The following S100A8 variants were observed in gnomAD, a reference collection of about 807,000 sequenced individuals.
S100A8 encodes S100 calcium binding protein A8, also known as protein S100-A8.
In S100A8, 1 loss-of-function variant was observed where a neutral mutation model predicts 4.2. The observed-to-expected ratio is 0.24, with a 90% CI of 0.08 to 1.12. The LOEUF is 1.12. Among genes scored for constraint, S100A8 ranks in the 50% most tolerant of loss-of-function variants. S100A8 has a pLI of 0.53. For synonymous variants in S100A8, 41 were observed against 44.7 expected, an observed-to-expected ratio of 0.92 and a Z score of 0.33; for missense variants, 96 against 111.8, an observed-to-expected ratio of 0.86 and a Z score of 0.64.
chr1:153,416,120 G>T, the S100A8 span, among the ~76,000 whole-genome samples: 1 of 152,206 alleles, frequency 6.6e-6, no homozygotes, highest in Non-Finnish European at 1.5e-5. Context: ...AGCGGTGGGG[G>T]TCATAGAACA....
At chr1:153,418,214 C>T in the S100A8 span, 166 of 1,613,974 alleles carry the variant, frequency 1.0e-4, 1 homozygote, top group Middle Eastern at 2.0e-3. Context: ...CCAATTTCCT[C>T]AGTGCCTGTG....
At chr1:153,411,632 T>A in the S100A8 span, among the ~76,000 whole-genome samples, 1 of 152,314 alleles carries the variant, frequency 6.6e-6, no homozygotes, top group Non-Finnish European at 1.5e-5. Context: ...AAAAAACTAC[T>A]TTAAAATTCA....
chr1:153,404,454 A>G, the S100A8 span, among the ~76,000 whole-genome samples: 12 of 152,084 alleles, frequency 7.9e-5, no homozygotes, highest in Non-Finnish European at 1.5e-4. Flanking sequence ...GCATGACTGG[A>G]AGGGGATTGT....
chr1:153,393,149 T>G (rs1662140464), upstream of S100A8, among the ~76,000 whole-genome samples: 1 of 152,186 alleles, frequency 6.6e-6, no homozygotes, highest in African/African-American at 2.4e-5. Context: ...TTCCTATTCC[T>G]GCCTGTAATG....
At chr1:153,418,026 T>A in the S100A8 span, 4 of 1,607,576 alleles carry the variant, frequency 2.5e-6, no homozygotes, top group East Asian at 8.9e-5. Flanking sequence ...AGACCTTAAT[T>A]CAAACTAAGG....
intron 1 of S100A8, 162 bp from the exon 2 acceptor site, chr1:153,390,719 T>A: frequency 1.2e-6 from 1 of 859,224 alleles, no homozygotes. Flanking sequence ...AAGGGTGGGA[T>A]GATAGGGATA....
chr1:153,398,144 CTG>C, the S100A8 span, among the ~76,000 whole-genome samples: 1 of 152,158 alleles, frequency 6.6e-6, no homozygotes, highest in African/African-American at 2.4e-5. Context: ...CAGAAGTCCT[CTG>C]GAGATGACAG....
the S100A8 span, among the ~76,000 whole-genome samples, chr1:153,412,728 C>A: frequency 1.6e-4 from 25 of 152,144 alleles, no homozygotes; most frequent in South Asian, 4.1e-4. Context: ...AGACTTGGAA[C>A]CAACCCAAAT....
the S100A8 span, chr1:153,419,300 A>C: frequency 2.4e-5 from 38 of 1,613,686 alleles, no homozygotes; most frequent in Admixed American, 1.2e-4. Flanking sequence ...GTTCTGGGGG[A>C]AGCCAGTGAT....
chr1:153,418,203 C>G, the S100A8 span: 2 of 1,613,950 alleles, frequency 1.2e-6, no homozygotes, highest in Non-Finnish European at 8.5e-7. Context: ...GGAGAACTTC[C>G]CCAATTTCCT....
chr1:153,391,304 A>AG (rs1458779628), upstream of S100A8: 15 of 621,220 alleles, frequency 2.4e-5, no homozygotes, highest in Non-Finnish European at 3.0e-5. Flanking sequence ...AAAAGCAGGT[A>AG]GGGGGGCTCT....
At chr1:153,413,095 G>A in the S100A8 span, among the ~76,000 whole-genome samples, 2 of 152,082 alleles carry the variant, frequency 1.3e-5, no homozygotes, top group Non-Finnish European at 2.9e-5. Context: ...TAACAAGACT[G>A]CACGCTGTGC....
the S100A8 span, among the ~76,000 whole-genome samples, chr1:153,413,790 A>C: frequency 1.3e-5 from 2 of 152,138 alleles, no homozygotes; most frequent in Admixed American, 1.3e-4. Flanking sequence ...AATCCCAGCT[A>C]CTCAGAAGGC....
At chr1:153,402,777 A>T in the S100A8 span, among the ~76,000 whole-genome samples, 245 of 152,328 alleles carry the variant, frequency 1.6e-3, no homozygotes, top group Admixed American at 7.3e-3. Flanking sequence ...AGTTAACTGT[A>T]AAAAGTATAT....
At chr1:153,407,458 A>G in the S100A8 span, among the ~76,000 whole-genome samples, 1 of 152,320 alleles carries the variant, frequency 6.6e-6, no homozygotes, top group East Asian at 1.9e-4. Context: ...GTAGGTAAAC[A>G]AAGCAGCCAG....
chr1:153,408,161 T>G, the S100A8 span, among the ~76,000 whole-genome samples: 1 of 151,964 alleles, frequency 6.6e-6, no homozygotes, highest in Non-Finnish European at 1.5e-5. Context: ...AGATGATCAG[T>G]AATAACAAAC....
chr1:153,391,472 C>T (rs1317970689), upstream of S100A8, among the ~76,000 whole-genome samples: 5 of 152,110 alleles, frequency 3.3e-5, no homozygotes, highest in African/African-American at 9.7e-5. Flanking sequence ...TGCATGCACT[C>T]AGTGAGAACA....
chr1:153,395,036 A>C (rs1662183891), upstream of S100A8, among the ~76,000 whole-genome samples: 1 of 152,150 alleles, frequency 6.6e-6, no homozygotes, highest in South Asian at 2.1e-4. Flanking sequence ...TTAGATCCCT[A>C]GAGTCCCAGG....
the S100A8 span, among the ~76,000 whole-genome samples, chr1:153,411,712 C>A: frequency 6.6e-6 from 1 of 152,186 alleles, no homozygotes; most frequent in African/African-American, 2.4e-5. Context: ...GGAGGCATCA[C>A]ACTACCTGAC....
Sources: allele counts gnomAD v4.1 joint callset (sites outside exome capture counted in the v4.1 genomes callset), GRCh38; gene constraint gnomAD v4.1.1; transcripts MANE v1.5; gene names NCBI Gene and HGNC (gene_info 2026-07-23, HGNC 2026-07-21).